ATP2B2: variants seen among roughly 807,000 people sequenced by gnomAD.
The protein encoded by ATP2B2 is ATPase plasma membrane Ca2+ transporting 2, also known as plasma membrane calcium-transporting ATPase 2.
A neutral mutation model predicts 120.0 loss-of-function variants in ATP2B2; 15 were observed. The observed-to-expected ratio is 0.12, with a 90% CI of 0.08 to 0.19. ATP2B2 has a LOEUF of 0.19. ATP2B2 is among the 10% of genes least tolerant of loss of function. The pLI, the probability that ATP2B2 is intolerant of heterozygous loss-of-function variation, is 1.00. For synonymous variants in ATP2B2, 694 were observed against 700.3 expected (o/e 0.99, Z 0.14); for missense variants, 1,045 against 1,719.8 (o/e 0.61, Z 6.94).
intron 2 of ATP2B2, among the ~76,000 whole-genome samples, chr3:10,600,629 C>T (rs1047135525): frequency 8.5e-5 from 13 of 152,246 alleles, no homozygotes; most frequent in African/African-American, 3.1e-4. Context: ...CCAGACGGGG[C>T]TGGTGCTCTG....
At chr3:10,588,333 T>G (rs1421644111) in intron 2 of ATP2B2, among the ~76,000 whole-genome samples, 1 of 152,186 alleles carries the variant, frequency 6.6e-6, no homozygotes, top group Non-Finnish European at 1.5e-5. Flanking sequence ...GACTTGCTGG[T>G]CTAGAGGAGG....
intron 2 of ATP2B2, among the ~76,000 whole-genome samples, chr3:10,601,912 C>T (rs1028298359): frequency 5.3e-5 from 8 of 152,214 alleles, no homozygotes; most frequent in African/African-American, 1.9e-4. Context: ...TCTTCATTTC[C>T]CCCCAGCTAA....
intron 1 of ATP2B2, among the ~76,000 whole-genome samples, chr3:10,638,442 TA>T (rs1021633153): frequency 1.3e-5 from 2 of 151,616 alleles, no homozygotes; most frequent in Admixed American, 1.3e-4. Flanking sequence ...TGTGATAAGT[TA>T]AAAAAAACCA....
At chr3:10,593,066 G>A (rs766845789) in intron 2 of ATP2B2, among the ~76,000 whole-genome samples, 2 of 152,300 alleles carry the variant, frequency 1.3e-5, no homozygotes, top group South Asian at 2.1e-4. Flanking sequence ...GAATACAGGC[G>A]TGAACCACCA....
intron 2 of ATP2B2, among the ~76,000 whole-genome samples, chr3:10,589,951 C>A (rs1359591486): frequency 6.6e-6 from 1 of 152,142 alleles, no homozygotes; most frequent in Middle Eastern, 3.2e-3. Flanking sequence ...CCAAAAGAAA[C>A]AAAAACTTAT....
chr3:10,644,963 T>C (rs1575588142), intron 1 of ATP2B2, among the ~76,000 whole-genome samples: 1 of 152,358 alleles, frequency 6.6e-6, no homozygotes, highest in South Asian at 2.1e-4. Flanking sequence ...AATGTATAAA[T>C]TGCACTACAG....
At chr3:10,707,532 C>A (rs1009803646) in intron 1 of ATP2B2, among the ~76,000 whole-genome samples, 3 of 152,208 alleles carry the variant, frequency 2.0e-5, no homozygotes, top group Admixed American at 2.0e-4. Flanking sequence ...GTGGGGAAGT[C>A]GGAGCCATCT....
At chr3:10,365,282 C>T (rs1005346564) in intron 12 of ATP2B2, among the ~76,000 whole-genome samples, 20 of 152,262 alleles carry the variant, frequency 1.3e-4, no homozygotes, top group African/African-American at 1.9e-4. Flanking sequence ...GCCATAGGGC[C>T]TCCAGTGAAC....
intron 2 of ATP2B2, among the ~76,000 whole-genome samples, chr3:10,589,820 T>C (rs1488470763): frequency 6.6e-6 from 1 of 152,220 alleles, no homozygotes; most frequent in Non-Finnish European, 1.5e-5. Flanking sequence ...GGAGCTCTCA[T>C]CTGCTGCTGG....
chr3:10,500,513 C>T (rs1160809455), intron 1 of ATP2B2, among the ~76,000 whole-genome samples: 1 of 152,010 alleles, frequency 6.6e-6, no homozygotes, highest in Non-Finnish European at 1.5e-5. Context: ...GGCCCTAAAT[C>T]CAATGACCAA....
In ATP2B2 at chr3:10,358,882, G is replaced by T; in HGVS notation, c.1945C>A (p.Arg649=). ...ACCATCTCGTCCCGGTCGCGGGGCC[G>T]GAAGACACGAGGCTCTCCCGCCCCA... ...LNGAGEPRVF[R]PRDRDEMVKK... The change falls in exon 14 of 23, where the codon CGG becomes AGG. Residue 649 remains arginine, a synonymous_variant. Transcript: ENST00000360273. The T allele has an allele frequency of 1.2e-6, 2 of 1,614,018 alleles. No homozygotes were observed. Among genetic ancestry groups the T allele is most frequent in the Non-Finnish European group, 1.7e-6 (2 of 1,180,016 alleles).
chr3:10,678,118 A>G (rs904092300), intron 1 of ATP2B2, among the ~76,000 whole-genome samples: 1 of 152,250 alleles, frequency 6.6e-6, no homozygotes, highest in Non-Finnish European at 1.5e-5. Context: ...GTAGACACCA[A>G]TGTGCAAACC....
chr3:10,612,186 A>C (rs944214281), intron 2 of ATP2B2, among the ~76,000 whole-genome samples: 5 of 151,990 alleles, frequency 3.3e-5, no homozygotes, highest in Non-Finnish European at 7.4e-5. Context: ...GAAAGCTCCC[A>C]CTTTAACCCC....
At chr3:10,382,666 A>G (rs937275787) in intron 8 of ATP2B2, among the ~76,000 whole-genome samples, 1 of 152,086 alleles carries the variant, frequency 6.6e-6, no homozygotes, top group Non-Finnish European at 1.5e-5. Flanking sequence ...CTCATGATGT[A>G]TAATTAACTG....
intron 5 of ATP2B2, among the ~76,000 whole-genome samples, chr3:10,391,679 G>A (rs2061854698): frequency 6.6e-6 from 1 of 152,120 alleles, no homozygotes; most frequent in Admixed American, 6.5e-5. Context: ...CAATAGCCAG[G>A]GCAGGGGAGA....
At chr3:10,513,661 C>T (rs1338332185) in intron 3 of ATP2B2, among the ~76,000 whole-genome samples, 1 of 152,098 alleles carries the variant, frequency 6.6e-6, no homozygotes, top group African/African-American at 2.4e-5. Flanking sequence ...GGAAAGGGGC[C>T]CTGCTTGCAC....
intron 6 of ATP2B2, chr3:10,387,880 G>A: frequency 3.2e-6 from 1 of 314,338 alleles, no homozygotes; most frequent in Non-Finnish European, 6.3e-6. Context: ...TTTCATTTCT[G>A]CTCAGTGGAG....
intron 3 of ATP2B2, among the ~76,000 whole-genome samples, chr3:10,517,292 C>T (rs959692067): frequency 5.3e-5 from 8 of 152,288 alleles, no homozygotes; most frequent in South Asian, 2.1e-4. Flanking sequence ...CATCTCGCCT[C>T]GGCCACCCCT....
chr3:10,664,538 C>T (rs1038801864), intron 1 of ATP2B2, among the ~76,000 whole-genome samples: 10 of 152,294 alleles, frequency 6.6e-5, no homozygotes, highest in South Asian at 4.2e-4. Context: ...TCATGGGATT[C>T]GGCTTTTCCG....
Sources: gnomAD v4.1 joint callset for allele counts (sites outside exome capture counted in the v4.1 genomes callset) on GRCh38, gnomAD v4.1.1 for gene constraint, MANE v1.5 for transcripts, NCBI Gene and HGNC (gene_info 2026-07-23, HGNC 2026-07-21) for gene names.